Variants in NID2 observed in about 807,000 individuals in gnomAD.
NID2 encodes nidogen-2.
Under a neutral mutation model 145.4 loss-of-function variants are expected in NID2, and 83 were observed. The observed-to-expected ratio is 0.57, with a 90% CI of 0.48 to 0.69. NID2 has a LOEUF of 0.69. Ranked by LOEUF, NID2 falls within the 30% of genes least tolerant of loss-of-function variation. NID2 has a pLI of 0.00. For synonymous variants in NID2, 739 were observed against 701.3 expected (o/e 1.05, Z -0.85); for missense variants, 1,807 against 1,765.7 (o/e 1.02, Z -0.42).
In NID2 at chr14:52,067,909, C is replaced by T; in HGVS notation, c.483G>A (p.Glu161=). The part of the protein sequence containing the change: ...TPTHAFLATW[E]QVGAYEEVKR... ...TGACCTCCTCGTAAGCGCCTACCTGCTCCCAGGTGGCCAGGAAGGCGTGGG... is the reference window on the plus strand; with the variant it reads ...TGACCTCCTCGTAAGCGCCTACCTGTTCCCAGGTGGCCAGGAAGGCGTGGG... Residue 161 remains glutamate, a synonymous_variant, in exon 2 of 22, where the codon GAG becomes GAA. Coordinates refer to ENST00000216286, the MANE Select transcript of NID2 (RefSeq NM_007361.4). 6.2e-7 allele frequency: 1 copy of T among 1,612,994 alleles called. No homozygotes were observed. The highest frequency in any genetic ancestry group is 8.5e-7 in the Non-Finnish European group (1 of 1,179,890).
intron 12 of NID2, among the ~76,000 whole-genome samples, chr14:52,021,049 G>A (rs1201001273): frequency 6.7e-6 from 1 of 148,672 alleles, no homozygotes; most frequent in Non-Finnish European, 1.5e-5. Context: ...AGAATTGAAT[G>A]GTTAAAACTA....
chr14:52,019,962 C>G (rs1891342312), intron 13 of NID2, 97 bp downstream of exon 13: 1 of 1,507,780 alleles, frequency 6.6e-7, no homozygotes, highest in South Asian at 1.3e-5. Flanking sequence ...TCCACCAAGG[C>G]TCCAGACCAG....
chr14:52,045,848 C>A (rs1892471096), intron 5 of NID2, among the ~76,000 whole-genome samples: 2 of 152,174 alleles, frequency 1.3e-5, no homozygotes, highest in South Asian at 4.1e-4. Flanking sequence ...GCGCCAAGCT[C>A]TAGGACTCAA....
intron 9 of NID2, among the ~76,000 whole-genome samples, chr14:52,036,341 G>A (rs558484921): frequency 1.4e-4 from 22 of 152,210 alleles, no homozygotes; most frequent in Admixed American, 8.5e-4. Flanking sequence ...GCATGTATCC[G>A]TACTTCATTC....
intron 3 of NID2, 52 bp downstream of exon 3, chr14:52,060,072 C>T (rs2140430521): frequency 7.3e-7 from 1 of 1,361,370 alleles, no homozygotes; most frequent in East Asian, 2.3e-5. Flanking sequence ...CAGGTACTTC[C>T]TAAAAGTCCT....
intron 16 of NID2, among the ~76,000 whole-genome samples, chr14:52,013,345 A>G (rs537482705): frequency 6.6e-6 from 1 of 152,336 alleles, no homozygotes; most frequent in South Asian, 2.1e-4. Flanking sequence ...TTCCAGAGAA[A>G]GTTTTACAAA....
intron 6 of NID2, among the ~76,000 whole-genome samples, chr14:52,042,571 G>A (rs897095010): frequency 2.6e-5 from 4 of 152,200 alleles, no homozygotes; most frequent in African/African-American, 9.7e-5. Context: ...CTAATGAGCT[G>A]GCAGAAGGAA....
chr14:52,061,232 A>T (rs1364586010), intron 2 of NID2, among the ~76,000 whole-genome samples: 1 of 152,062 alleles, frequency 6.6e-6, no homozygotes, highest in Non-Finnish European at 1.5e-5. Context: ...AAATGCTGCC[A>T]CTCAGAGGTG....
chr14:52,021,606 T>C (rs1217413519), intron 12 of NID2, among the ~76,000 whole-genome samples: 1 of 152,216 alleles, frequency 6.6e-6, no homozygotes, highest in Non-Finnish European at 1.5e-5. Context: ...CTTCTGTCTC[T>C]GGGGAGTTTA....
chr14:52,037,859 ACTT>A (rs1030029110), intron 9 of NID2, among the ~76,000 whole-genome samples: 3 of 152,330 alleles, frequency 2.0e-5, no homozygotes, highest in African/African-American at 4.8e-5. Context: ...CAAGTACTGC[ACTT>A]CTTTTTAAAA....
chr14:52,020,468 T>C (rs1365699084), intron 12 of NID2, among the ~76,000 whole-genome samples: 2 of 152,268 alleles, frequency 1.3e-5, no homozygotes, highest in Non-Finnish European at 2.9e-5. Context: ...TACAGCATGT[T>C]TCATTGACAG....
chr14:52,006,115 T>G (rs938146907), intron 20 of NID2: 8 of 468,774 alleles, frequency 1.7e-5, no homozygotes, highest in Admixed American at 3.3e-5. Context: ...TGTTCCACAG[T>G]TCCTCATTTG....
intron 14 of NID2, among the ~76,000 whole-genome samples, chr14:52,016,153 C>T (rs2140356015): frequency 6.6e-6 from 1 of 152,320 alleles, no homozygotes; most frequent in Admixed American, 6.5e-5. Context: ...CAGGCTGCTT[C>T]CACAGTGCCA....
Position 52,040,781 on chromosome 14 carries a change from A to G in NID2, c.1896T>C (p.Thr632=). The change falls in exon 8 of 22, where the codon ACT becomes ACC. Residue 632 remains threonine (T), a synonymous_variant. Transcript: ENST00000216286. ...AGTTCTCTGGGTCAAGTCCCTCAGC[A>G]GTTTGAGTGATACGAACCGTCTCCT... ...PGEETVRITQ[T]AEGLDPENYL... The G allele has an allele frequency of 6.2e-7, 1 of 1,614,234 alleles. No individual in the cohort carries two copies. The highest frequency in any genetic ancestry group is 8.5e-7 in the Non-Finnish European group (1 of 1,180,054).
intron 5 of NID2, among the ~76,000 whole-genome samples, chr14:52,052,586 T>C (rs1439738365): frequency 6.6e-6 from 1 of 152,202 alleles, no homozygotes; most frequent in African/African-American, 2.4e-5. Context: ...GAAAATATTT[T>C]CTTCCCTCCT....
At chr14:52,020,633 G>C (rs1891371519) in intron 12 of NID2, among the ~76,000 whole-genome samples, 1 of 152,068 alleles carries the variant, frequency 6.6e-6, no homozygotes, top group Non-Finnish European at 1.5e-5. Context: ...GTCTGTAGAT[G>C]CAAAGGAGCC....
chr14:52,032,960 G>A (rs947730297), intron 9 of NID2, among the ~76,000 whole-genome samples: 4 of 152,122 alleles, frequency 2.6e-5, no homozygotes, highest in Admixed American at 6.6e-5. Context: ...AATCCCCAGT[G>A]CAAAATGAAA....
chr14:52,033,677 G>C (rs1031931665), intron 9 of NID2, among the ~76,000 whole-genome samples: 1 of 152,198 alleles, frequency 6.6e-6, no homozygotes, highest in African/African-American at 2.4e-5. Context: ...TGTACCAAGA[G>C]GGGAAAGAAA....
intron 2 of NID2, among the ~76,000 whole-genome samples, chr14:52,062,777 C>A (rs1893056552): frequency 6.6e-6 from 1 of 152,136 alleles, no homozygotes; most frequent in African/African-American, 2.4e-5. Context: ...GAGAGTCTGA[C>A]TTTTTGCTGT....
Sources: allele counts gnomAD v4.1 joint callset (sites outside exome capture counted in the v4.1 genomes callset), GRCh38; gene constraint gnomAD v4.1.1; transcripts MANE v1.5; gene names NCBI Gene and HGNC (gene_info 2026-07-23, HGNC 2026-07-21).